The following PEX5L variants were observed in gnomAD, a reference collection of about 807,000 sequenced individuals.
The protein encoded by PEX5L is PEX5-related protein.
A neutral mutation model predicts 84.0 loss-of-function variants in PEX5L; 30 were observed. The observed-to-expected ratio is 0.36, with a 90% CI of 0.27 to 0.48. PEX5L has a LOEUF of 0.48. Ranked by LOEUF, PEX5L falls within the 20% of genes least tolerant of loss-of-function variation. The pLI, the probability that PEX5L is intolerant of heterozygous loss-of-function variation, is 0.99. For missense variants in PEX5L, 533 were observed against 754.6 expected (o/e 0.71, Z 3.44); for synonymous variants, 270 against 283.1 (o/e 0.95, Z 0.46).
chr3:179,955,418 G>C (rs188827010), intron 2 of PEX5L, among the ~76,000 whole-genome samples: 1 of 119,634 alleles, frequency 8.4e-6, no homozygotes, highest in East Asian at 2.8e-4. Context: ...TTTGTGTTTT[G>C]AGCGATGTTA....
At chr3:179,968,709 G>GTC (rs1783976576) in intron 2 of PEX5L, among the ~76,000 whole-genome samples, 1 of 131,440 alleles carries the variant, frequency 7.6e-6, no homozygotes, top group Non-Finnish European at 1.7e-5. Flanking sequence ...GTGTGTGTGT[G>GTC]TGTGTGTGTG....
chr3:179,973,481 T>C, intron 1 of PEX5L: 1 of 966,112 alleles, frequency 1.0e-6, no homozygotes, highest in South Asian at 4.8e-5. Context: ...TTCTATGCTC[T>C]TTGACTGTTG....
chr3:179,841,113 T>A (rs1375191979), intron 8 of PEX5L, among the ~76,000 whole-genome samples: 3 of 152,014 alleles, frequency 2.0e-5, no homozygotes, highest in African/African-American at 7.2e-5. Context: ...AAAACGAGTA[T>A]CTACCACAAC....
intron 8 of PEX5L, among the ~76,000 whole-genome samples, chr3:179,856,602 A>C (rs896306797): frequency 6.6e-6 from 1 of 152,210 alleles, no homozygotes; most frequent in South Asian, 2.1e-4. Flanking sequence ...GGGTAAGAAT[A>C]ATGTCTGGAA....
chr3:179,911,491 G>T (rs923673344), intron 2 of PEX5L, among the ~76,000 whole-genome samples: 3 of 152,048 alleles, frequency 2.0e-5, no homozygotes, highest in East Asian at 1.9e-4. Flanking sequence ...CAGAGTTTTT[G>T]TGAGGATAAA....
rs559339713 is a variant in PEX5L, at chr3:179,829,194, C to T, written c.823-9218G>A. 3.2e-4 allele frequency among the ~76,000 whole-genome samples: 49 copies of T among 152,256 alleles called. 1 individual carries two copies. In the South Asian group the frequency reaches 9.3e-3, roughly 29 times the overall value. ...AGTTTCTGACCTCTCCAAACCTTTTCCAATTTCCTTTACTATTTTTGCTTT... is the reference window on the plus strand; with the variant it reads ...AGTTTCTGACCTCTCCAAACCTTTTTCAATTTCCTTTACTATTTTTGCTTT... On this transcript the variant is annotated intron_variant, in intron 8 of 14. Coordinates refer to ENST00000467460, the MANE Select transcript of PEX5L (RefSeq NM_016559.3).
At chr3:179,952,202 C>G (rs1341619308) in intron 2 of PEX5L, among the ~76,000 whole-genome samples, 1 of 152,166 alleles carries the variant, frequency 6.6e-6, no homozygotes, top group Non-Finnish European at 1.5e-5. Flanking sequence ...TCTGTAATAT[C>G]AAACAATCTG....
chr3:179,988,634 A>T (rs1324831212), intron 1 of PEX5L, among the ~76,000 whole-genome samples: 1 of 152,192 alleles, frequency 6.6e-6, no homozygotes, highest in Admixed American at 6.5e-5. Flanking sequence ...AACAAATAAA[A>T]GTAGTTGAAA....
In PEX5L at chr3:179,808,323, T is replaced by C; in HGVS notation, c.1467A>G (p.Glu489=). The change falls in exon 13 of 15, where the codon GAA becomes GAG. Residue 489 remains glutamate, a synonymous_variant. Coordinates refer to ENST00000467460, the MANE Select transcript of PEX5L (RefSeq NM_016559.3). Reference sequence around the variant, plus strand: ...TAAATGCATCTATTGCTCTATTAAATTCTCCACTCAGGTGGAACAGAACCC... The same window carrying C: ...TAAATGCATCTATTGCTCTATTAAACTCTCCACTCAGGTGGAACAGAACCC... The part of the protein sequence containing the change: ...GLGVLFHLSG[E]FNRAIDAFNA... 6.2e-7 allele frequency: 1 copy of C among 1,605,292 alleles called. No individual in the cohort carries two copies. The highest frequency in any genetic ancestry group is 8.5e-7 in the Non-Finnish European group (1 of 1,176,462).
chr3:179,971,136 A>G (rs974292571), intron 2 of PEX5L, among the ~76,000 whole-genome samples: 19 of 152,098 alleles, frequency 1.2e-4, no homozygotes, highest in African/African-American at 4.6e-4. Context: ...TATTGCAGAC[A>G]ATCTGGAAAA....
chr3:179,872,609 C>G (rs981838987), intron 7 of PEX5L, among the ~76,000 whole-genome samples: 1 of 152,166 alleles, frequency 6.6e-6, no homozygotes, highest in Non-Finnish European at 1.5e-5. Flanking sequence ...AGACAACCAG[C>G]AGGAGAGTTG....
chr3:179,861,642 T>C (rs1036477314), intron 7 of PEX5L, among the ~76,000 whole-genome samples: 2 of 152,156 alleles, frequency 1.3e-5, no homozygotes, highest in African/African-American at 4.8e-5. Flanking sequence ...CCATGAAAGC[T>C]ACTACCTCCT....
At chr3:179,823,713 G>C (rs1729341671) in intron 8 of PEX5L, among the ~76,000 whole-genome samples, 1 of 152,170 alleles carries the variant, frequency 6.6e-6, no homozygotes, top group Admixed American at 6.5e-5. Flanking sequence ...TTCTGTGTTA[G>C]TGGTTTGAAA....
chr3:179,846,178 A>C (rs1303290768), intron 8 of PEX5L, among the ~76,000 whole-genome samples: 3 of 151,940 alleles, frequency 2.0e-5, no homozygotes, highest in African/African-American at 7.3e-5. Flanking sequence ...TCAAAAAAAC[A>C]AAAAAAACTA....
At chr3:179,866,443 T>C (rs1208555855) in intron 7 of PEX5L, among the ~76,000 whole-genome samples, 5 of 152,200 alleles carry the variant, frequency 3.3e-5, no homozygotes, top group Non-Finnish European at 7.3e-5. Flanking sequence ...TTACTTAAAC[T>C]ATTTTCATCT....
intron 1 of PEX5L, among the ~76,000 whole-genome samples, chr3:180,003,338 G>A (rs1788594568): frequency 6.6e-6 from 1 of 151,848 alleles, no homozygotes; most frequent in Non-Finnish European, 1.5e-5. Context: ...GAGCATATTA[G>A]GTTTTGTAAA....
At chr3:179,832,184 C>A (rs6766516) in intron 8 of PEX5L, among the ~76,000 whole-genome samples, 143,907 of 152,042 alleles carry the variant, frequency 0.95, 68,198 homozygotes, top group African/African-American at 0.99. Flanking sequence ...TAATAGAATC[C>A]ATAGGACTTG....
At chr3:179,876,152 C>T (rs1050882022) in intron 5 of PEX5L, among the ~76,000 whole-genome samples, 1 of 152,060 alleles carries the variant, frequency 6.6e-6, no homozygotes, top group Non-Finnish European at 1.5e-5. Flanking sequence ...AGGTGTGTGG[C>T]TGTGAATAAA....
At chr3:179,873,304 T>A (rs1420810550) in intron 7 of PEX5L, among the ~76,000 whole-genome samples, 1 of 152,210 alleles carries the variant, frequency 6.6e-6, no homozygotes, top group South Asian at 2.1e-4. Flanking sequence ...ATTATAATTA[T>A]TTGTTTATTT....
Sources: allele counts gnomAD v4.1 joint callset (sites outside exome capture counted in the v4.1 genomes callset), GRCh38; gene constraint gnomAD v4.1.1; transcripts MANE v1.5; gene names NCBI Gene and HGNC (gene_info 2026-07-23, HGNC 2026-07-21).